The following VPS53 variants were observed in gnomAD, a reference collection of about 807,000 sequenced individuals.
The protein encoded by VPS53 is VPS53 subunit of GARP complex.
In VPS53, 70 loss-of-function variants were observed where a neutral mutation model predicts 107.0. That is an observed-to-expected ratio of 0.65 (90% CI 0.54 to 0.80). The LOEUF is 0.80. VPS53 is among the 30% of genes least tolerant of loss of function. VPS53 has a pLI of 0.00. For synonymous variants in VPS53, 409 were observed against 393.3 expected, an observed-to-expected ratio of 1.04 and a Z score of -0.47; for missense variants, 917 against 1,049.4, an observed-to-expected ratio of 0.87 and a Z score of 1.74.
intron 12 of VPS53, among the ~76,000 whole-genome samples, chr17:588,391 A>G (rs1967446116): frequency 6.6e-6 from 1 of 152,202 alleles, no homozygotes; most frequent in African/African-American, 2.4e-5. Flanking sequence ...TATATATTTT[A>G]ATAAATACTG....
chr17:527,738 C>T (rs1262397819), intron 19 of VPS53, among the ~76,000 whole-genome samples: 3 of 152,118 alleles, frequency 2.0e-5, no homozygotes, highest in African/African-American at 4.8e-5. Flanking sequence ...CTCAGCTTCC[C>T]GAGTGGCTAG....
At chr17:559,960 T>C (rs181958190) in intron 15 of VPS53, among the ~76,000 whole-genome samples, 5 of 152,318 alleles carry the variant, frequency 3.3e-5, no homozygotes, top group Admixed American at 2.6e-4. Flanking sequence ...CAATGGCTAT[T>C]TGTTGAGGCA....
chr17:632,028 G>A (rs1020584048), intron 7 of VPS53, among the ~76,000 whole-genome samples: 4 of 152,150 alleles, frequency 2.6e-5, no homozygotes, highest in Non-Finnish European at 5.9e-5. Context: ...TGAGAGGGTC[G>A]CTTGAGACCA....
chr17:627,431 A>G, intron 9 of VPS53, 115 bp from the exon 10 acceptor site: 1 of 1,281,178 alleles, frequency 7.8e-7, no homozygotes, highest in Non-Finnish European at 1.1e-6. Context: ...TGTATTTCTC[A>G]TGGTTTTAAA....
intron 4 of VPS53, among the ~76,000 whole-genome samples, chr17:691,607 A>G (rs1209349613): frequency 1.3e-5 from 2 of 152,352 alleles, no homozygotes; most frequent in East Asian, 3.9e-4. Flanking sequence ...TTCCAGAAAC[A>G]GACAATTAGT....
intron 18 of VPS53, chr17:536,802 C>T (rs748014976): frequency 9.7e-6 from 5 of 514,000 alleles, no homozygotes; most frequent in African/African-American, 7.8e-5. Context: ...CGTCAGAGTC[C>T]GGGTGATAAT....
Position 662,413 on chromosome 17 carries a change from G to A in VPS53, c.286-518C>T, listed in dbSNP as rs376718295. On this transcript the variant is annotated intron_variant, in intron 4 of 21. Coordinates refer to ENST00000437048, the MANE Select transcript of VPS53 (RefSeq NM_001128159.3). ...GCACTTAGAAAGGAACACTGGGCCG[G>A]ACACAGTGGCTCACGCCTGTAATCC... is the stretch of plus-strand genomic sequence containing the variant. 4.3e-4 allele frequency among the ~76,000 whole-genome samples: 65 copies of A among 152,316 alleles called. No individual in the cohort carries two copies. The East Asian group carries it at 8.1e-3, about 19-fold the overall frequency.
chr17:512,323 C>T lies in VPS53; in HGVS notation c.*6805G>A, dbSNP rs996623339. On this transcript the variant is annotated 3_prime_UTR_variant, in exon 22 of 22. Transcript: ENST00000437048. Reference sequence around the variant, plus strand: ...CTTCACAGCCAATATTCATTATAATCCCCTCTCACCAATATTGAAAATGGA... The same window carrying T: ...CTTCACAGCCAATATTCATTATAATTCCCTCTCACCAATATTGAAAATGGA... The T allele has an allele frequency of 1.3e-5, 2 of 152,194 alleles. No individual in the cohort carries two copies. The highest frequency in any genetic ancestry group is 2.4e-5 in the African/African-American group (1 of 41,448). The allele number at this position is 152,194 out of a possible 1,614,324, so 9.4% of individuals were successfully genotyped here. A position where few individuals can be genotyped will look rare whatever the true frequency, so the allele number is the denominator to read the frequency against.
At position 646,209 on chromosome 17, in the gene VPS53, C is replaced by T. The variant is rs545213046; in HGVS notation, c.608+7082G>A. Among the ~76,000 whole-genome samples the T allele has an allele frequency of 8.5e-4, 102 of 120,464 alleles. 10 individuals carry two copies. The highest frequency in any genetic ancestry group is 2.7e-3 in the African/African-American group (95 of 34,898). The allele number at this position is 120,464 out of a possible 152,430, so 79.0% of individuals were successfully genotyped here. ...GGAGACTGGCTCCCACACACATCTCCGTGACCGTGTGGCCTCTGCCTGATA... is the reference window on the plus strand; with the variant it reads ...GGAGACTGGCTCCCACACACATCTCTGTGACCGTGTGGCCTCTGCCTGATA... On this transcript the variant is annotated intron_variant, in intron 7 of 21. Transcript: ENST00000437048.
intron 7 of VPS53, among the ~76,000 whole-genome samples, chr17:643,527 CAA>C (rs1970541712): frequency 1.9e-5 from 1 of 52,762 alleles, no homozygotes; most frequent in Non-Finnish European, 4.2e-5. Context: ...CAACTGAGGA[CAA>C]CACTCATACT....
chr17:562,518 G>C lies in VPS53; in HGVS notation c.1541C>G (p.Ser514Cys), dbSNP rs752422446. Residue 514 changes from serine to cysteine, a missense_variant, in exon 14 of 22, where the codon TCT becomes TGT. Physicochemically the swap from Ser to Cys is moderately radical, Grantham distance 112. Coordinates refer to ENST00000437048, the MANE Select transcript of VPS53 (RefSeq NM_001128159.3). ...CAGGACTCACTTGGGCAGGTTGCCA[G>C]AGAGGATTTTCCAGGCGTATTCTCG... Reference protein sequence around the residue: ...YLREYAWKILSGNLPKTTTSS... With the variant: ...YLREYAWKILCGNLPKTTTSS... 1 of 1,614,012 alleles carries C rather than the reference G, an allele frequency of 6.2e-7. No individual in the cohort carries two copies. The highest frequency in any genetic ancestry group is 8.5e-7 in the Non-Finnish European group (1 of 1,180,052).
At chr17:710,864 G>C (rs929615781) in intron 1 of VPS53, among the ~76,000 whole-genome samples, 3 of 151,870 alleles carry the variant, frequency 2.0e-5, no homozygotes, top group Non-Finnish European at 4.4e-5. Flanking sequence ...AGAATTGCTT[G>C]AACCCGGGAG....
In VPS53 at chr17:562,703, T is replaced by G; in HGVS notation, c.1356A>C (p.Lys452Asn). Reference protein sequence around the residue: ...ELIDRFVADFKAQGPPKPNTD... With the variant: ...ELIDRFVADFNAQGPPKPNTD... ...TGTTGGGCTTAGGTGGCCCCTGGGC[T>G]TTGAAATCAGCCACAAACCGATCTA... The change falls in exon 14 of 22, where the codon AAA (lysine) becomes AAC (asparagine). Residue 452 changes from lysine (K) to asparagine (N), a missense_variant. Transcript: ENST00000437048. 6.2e-7 allele frequency: 1 copy of G among 1,613,792 alleles called. No homozygotes were observed. The highest frequency in any genetic ancestry group is 8.5e-7 in the Non-Finnish European group (1 of 1,179,924).
intron 10 of VPS53, among the ~76,000 whole-genome samples, chr17:626,255 T>C (rs200461001): frequency 6.6e-6 from 1 of 151,810 alleles, no homozygotes; most frequent in Non-Finnish European, 1.5e-5. Context: ...GTCATAGATA[T>C]ACTGATTTAA....
At chr17:689,809 T>C (rs1972717352) in intron 4 of VPS53, among the ~76,000 whole-genome samples, 1 of 152,148 alleles carries the variant, frequency 6.6e-6, no homozygotes, top group South Asian at 2.1e-4. Flanking sequence ...CATAATATGC[T>C]AATTTTGAGG....
intron 8 of VPS53, among the ~76,000 whole-genome samples, chr17:630,792 G>A (rs1421971000): frequency 6.6e-6 from 1 of 152,216 alleles, no homozygotes; most frequent in Non-Finnish European, 1.5e-5. Flanking sequence ...CGAGTAGGGT[G>A]AGGCTCCTTG....
intron 17 of VPS53, among the ~76,000 whole-genome samples, chr17:541,036 A>C (rs1307330640): frequency 6.6e-6 from 1 of 152,170 alleles, no homozygotes; most frequent in Non-Finnish European, 1.5e-5. Context: ...GTGAATACTT[A>C]AATTCCTACT....
At position 595,245 on chromosome 17, in the gene VPS53, G is replaced by A. The variant is rs939760143; in HGVS notation, c.1218+6550C>T. Among the ~76,000 whole-genome samples, 2 of 86,654 alleles carry A rather than the reference G, an allele frequency of 2.3e-5. 1 individual carries two copies. The highest frequency in any genetic ancestry group is 5.4e-5 in the Non-Finnish European group (2 of 37,290). The allele number at this position is 86,654 out of a possible 152,430, so 56.8% of individuals were successfully genotyped here. On this transcript the variant is annotated intron_variant, in intron 12 of 21. Coordinates refer to ENST00000437048, the MANE Select transcript of VPS53 (RefSeq NM_001128159.3). The stretch of plus-strand genomic sequence containing the variant: ...TTTCCTCGTTTGATGATGCACTCTA[G>A]TGCCCTGCCCTGGAGGAAGCTGGGA...
chr17:594,346 T>C (rs1597356008), intron 12 of VPS53, among the ~76,000 whole-genome samples: 1 of 152,240 alleles, frequency 6.6e-6, no homozygotes, highest in African/African-American at 2.4e-5. Context: ...GAATGGCACA[T>C]TGTCAACACC....
Sources: allele counts gnomAD v4.1 joint callset (sites outside exome capture counted in the v4.1 genomes callset), GRCh38; gene constraint gnomAD v4.1.1; transcripts MANE v1.5; gene names NCBI Gene and HGNC (gene_info 2026-07-23, HGNC 2026-07-21).